The following PDE1A variants were observed in gnomAD, a reference collection of about 807,000 sequenced individuals.
PDE1A encodes the protein dual specificity calcium/calmodulin-dependent 3',5'-cyclic nucleotide phosphodiesterase 1A.
Under a neutral mutation model 61.7 loss-of-function variants are expected in PDE1A, and 35 were observed. The ratio of observed to expected loss-of-function variants is 0.57; its 90% confidence interval spans 0.43 to 0.75. The LOEUF (loss-of-function observed/expected upper bound fraction) is 0.75. Among genes scored for constraint, PDE1A ranks in the 30% least tolerant of loss-of-function variants. The probability of loss-of-function intolerance (pLI) is 0.00; values close to 1 mark genes in which losing one functional copy is unlikely to be tolerated. For synonymous variants in PDE1A, 232 were observed against 213.2 expected (o/e 1.09, Z -0.77); for missense variants, 597 against 630.6 (o/e 0.95, Z 0.57).
At chr2:182,244,919 A>G (rs12994855) in intron 2 of PDE1A, among the ~76,000 whole-genome samples, 64,892 of 151,880 alleles carry the variant, frequency 0.43, 14,270 homozygotes, top group Middle Eastern at 0.58. Flanking sequence ...CAGAAATAGT[A>G]GCTGCAGGTC....
chr2:182,371,203 T>C (rs1700112626), intron 1 of PDE1A, among the ~76,000 whole-genome samples: 1 of 152,188 alleles, frequency 6.6e-6, no homozygotes, highest in South Asian at 2.1e-4. Flanking sequence ...AAATATGCAC[T>C]ATAAACATTT....
intron 2 of PDE1A, among the ~76,000 whole-genome samples, chr2:182,255,033 CTT>C (rs1378294010): frequency 6.6e-6 from 1 of 152,054 alleles, no homozygotes; most frequent in African/African-American, 2.4e-5. Flanking sequence ...GGAAAGAAAA[CTT>C]TTCTCATTCC....
chr2:182,197,644 T>C (rs191741109), intron 10 of PDE1A, among the ~76,000 whole-genome samples: 1 of 151,912 alleles, frequency 6.6e-6, no homozygotes, highest in Admixed American at 6.6e-5. Flanking sequence ...CATTTCCTTT[T>C]GTGGAAAGAC....
the PDE1A span, among the ~76,000 whole-genome samples, chr2:182,604,805 T>G: frequency 5.6e-3 from 859 of 152,232 alleles, 10 homozygotes; most frequent in African/African-American, 0.019. Context: ...GTTATATTGG[T>G]TTTTTAAGTG....
chr2:182,188,993 G>A (rs1315730192), exon 11 of PDE1A: 1 of 1,610,580 alleles, frequency 6.2e-7, no homozygotes, highest in Non-Finnish European at 8.5e-7. Flanking sequence ...TTGTGACTGG[G>A]CCACCATGGT....
chr2:182,210,811 T>G (rs1012835537), intron 7 of PDE1A, among the ~76,000 whole-genome samples: 1 of 152,166 alleles, frequency 6.6e-6, no homozygotes, highest in Non-Finnish European at 1.5e-5. Flanking sequence ...CTGTGATCCA[T>G]TTTGAGTTAA....
intron 2 of PDE1A, among the ~76,000 whole-genome samples, chr2:182,435,760 A>G (rs1422915507): frequency 2.0e-5 from 3 of 152,092 alleles, no homozygotes; most frequent in Non-Finnish European, 4.4e-5. Flanking sequence ...CCTAACTTCA[A>G]TATTGAGTCC....
chr2:182,527,355 T>TACAC (rs1690794796), upstream of PDE1A, among the ~76,000 whole-genome samples: 2 of 60,832 alleles, frequency 3.3e-5, no homozygotes, highest in Non-Finnish European at 5.6e-5. Flanking sequence ...TATATATATA[T>TACAC]ATATATATAT....
chr2:182,262,764 AG>A (rs1045417686), intron 2 of PDE1A, among the ~76,000 whole-genome samples: 2 of 82,096 alleles, frequency 2.4e-5, no homozygotes, highest in Non-Finnish European at 5.5e-5. Flanking sequence ...TTCCTTTTTC[AG>A]TGAAAAAAGA....
chr2:182,662,352 C>CAAAAAAAAAAAA, the PDE1A span, among the ~76,000 whole-genome samples: 5 of 115,542 alleles, frequency 4.3e-5, no homozygotes, highest in African/African-American at 1.6e-4. Context: ...AAAAAAAAAA[C>CAAAAAAAAAAAA]AAAAAAAAAC....
intron 1 of PDE1A, among the ~76,000 whole-genome samples, chr2:182,281,670 A>G (rs919480219): frequency 3.9e-5 from 6 of 151,986 alleles, no homozygotes; most frequent in Admixed American, 3.3e-4. Flanking sequence ...GGAGTGTGAT[A>G]AATATCAGTG....
At chr2:182,691,868 T>C in the PDE1A span, among the ~76,000 whole-genome samples, 1 of 150,608 alleles carries the variant, frequency 6.6e-6, no homozygotes, top group African/African-American at 2.4e-5. Context: ...GGGCGAAGGA[T>C]ATGAACAGAC....
chr2:182,399,073 C>T (rs372716767), intron 1 of PDE1A, among the ~76,000 whole-genome samples: 11 of 151,966 alleles, frequency 7.2e-5, no homozygotes, highest in Admixed American at 1.3e-4. Flanking sequence ...TGAAAAATAA[C>T]CCTAAAGTTT....
intron 13 of PDE1A, among the ~76,000 whole-genome samples, chr2:182,161,342 T>C (rs1452016842): frequency 6.6e-6 from 1 of 151,874 alleles, no homozygotes; most frequent in African/African-American, 2.4e-5. Flanking sequence ...AGTGAGGACG[T>C]TGGTTGGGGA....
chr2:182,274,283 G>A (rs571473544), intron 1 of PDE1A, among the ~76,000 whole-genome samples: 70 of 152,116 alleles, frequency 4.6e-4, no homozygotes, highest in Non-Finnish European at 8.1e-4. Flanking sequence ...ACCATGTACC[G>A]ACACACTTCA....
chr2:182,149,286 T>C (rs1690652699), intron 13 of PDE1A, among the ~76,000 whole-genome samples: 1 of 152,154 alleles, frequency 6.6e-6, no homozygotes, highest in Non-Finnish European at 1.5e-5. Flanking sequence ...ATCTTATTTC[T>C]ACTGAATAAA....
chr2:182,660,680 T>C, the PDE1A span, among the ~76,000 whole-genome samples: 1 of 152,192 alleles, frequency 6.6e-6, no homozygotes, highest in Non-Finnish European at 1.5e-5. Context: ...GGCCTTCAAT[T>C]GCTTAGAGAG....
chr2:182,212,842 G>A (rs1314774414), intron 7 of PDE1A, among the ~76,000 whole-genome samples: 2 of 152,214 alleles, frequency 1.3e-5, no homozygotes, highest in African/African-American at 4.8e-5. Context: ...GCCAGGGGAG[G>A]GGCGCCTGCC....
chr2:182,714,016 C>T, the PDE1A span, among the ~76,000 whole-genome samples: 1 of 152,218 alleles, frequency 6.6e-6, no homozygotes, highest in Non-Finnish European at 1.5e-5. Context: ...AGTATCTTAT[C>T]TGACTCACTC....
Sources: allele counts gnomAD v4.1 joint callset (sites outside exome capture counted in the v4.1 genomes callset), GRCh38; gene constraint gnomAD v4.1.1; transcripts MANE v1.5; gene names NCBI Gene and HGNC (gene_info 2026-07-23, HGNC 2026-07-21).